SRPK1: variants seen among roughly 807,000 people sequenced by gnomAD.
SRPK1 encodes the protein SFRS protein kinase 1.
In SRPK1, 52 loss-of-function variants were observed where a neutral mutation model predicts 89.5. The ratio of observed to expected loss-of-function variants is 0.58; its 90% CI spans 0.46 to 0.73. SRPK1 has a LOEUF of 0.73. Ranked by LOEUF, SRPK1 falls within the 30% of genes least tolerant of loss-of-function variation. SRPK1 has a pLI of 0.00. For missense variants in SRPK1, 603 were observed against 780.6 expected (o/e 0.77, Z 2.71); for synonymous variants, 255 against 270.2 (o/e 0.94, Z 0.55).
rs539634465 is a variant in SRPK1, at chr6:35,857,475, C to T, written c.1513-107G>A. 5.0e-5 allele frequency: 44 copies of T among 874,180 alleles called. 1 individual carries two copies. The South Asian group carries it at 6.8e-4, about 14-fold the overall frequency. The allele number at this position is 874,180 out of a possible 1,614,324, so 54.2% of individuals were successfully genotyped here. On this transcript the variant is annotated intron_variant, in intron 12 of 15. Coordinates refer to ENST00000373825, the MANE Select transcript of SRPK1 (RefSeq NM_003137.5). The stretch of plus-strand genomic sequence containing the variant: ...TAAACTCTCTGAAGTTTTTCCCAAA[C>T]CAAAGTTCTCACTTTGCTTATTTCT...
At chr6:35,892,730 C>G (rs1217555728) in intron 2 of SRPK1, among the ~76,000 whole-genome samples, 3 of 151,866 alleles carry the variant, frequency 2.0e-5, no homozygotes, top group Non-Finnish European at 2.9e-5. Context: ...AGGCAGGGTA[C>G]ACAGCATTCC....
chr6:35,901,092 A>G (rs528998464), intron 2 of SRPK1, among the ~76,000 whole-genome samples: 298 of 152,370 alleles, frequency 2.0e-3, no homozygotes, highest in African/African-American at 6.9e-3. Flanking sequence ...TATAAACTTT[A>G]GTCTTTTCTG....
rs1302988316 is a variant in SRPK1 at position 35,913,818 on chromosome 6, A to AG, written c.74+6649_74+6650insC. On this transcript the variant is annotated intron_variant, in intron 2 of 15. Transcript: ENST00000373825. ...ATCTCAAAAAAAGAAAAAAAAATAA[A>AG]AGAGAGAGAAAAAAGAAAAAGCAGA... 6.6e-5 allele frequency among the ~76,000 whole-genome samples: 10 copies of AG among 151,624 alleles called. 1 individual carries two copies. The highest frequency in any genetic ancestry group is 1.7e-4 in the African/African-American group (7 of 41,386).
chr6:35,857,125 A>C, intron 13 of SRPK1, 136 bp downstream of exon 13: 1 of 663,250 alleles, frequency 1.5e-6, no homozygotes, highest in Non-Finnish European at 2.6e-6. Context: ...CTCTAGACAT[A>C]GAATTTAGAA....
chr6:35,886,753 T>C lies in SRPK1; in HGVS notation c.449A>G (p.Asp150Gly), dbSNP rs1367058234. Residue 150 changes from aspartate to glycine, a missense_variant, in exon 6 of 16, where the codon GAC (aspartate) becomes GGC (glycine). By Grantham distance (94) the Asp-to-Gly change is moderately conservative. Transcript: ENST00000373825. ...TCCATTAACTCCTGATATTTTAAAGTCATCTAGTAGTTGAACAACCATTTC... is the reference window on the plus strand; with the variant it reads ...TCCATTAACTCCTGATATTTTAAAGCCATCTAGTAGTTGAACAACCATTTC... ...NREMVVQLLD[D>G]FKISGVNGTH... 3.7e-6 allele frequency: 6 copies of C among 1,609,188 alleles called. No individual in the cohort carries two copies. The highest frequency in any genetic ancestry group is 5.1e-6 in the Non-Finnish European group (6 of 1,175,768).
At chr6:35,857,401 TC>T in intron 12 of SRPK1, 33 bp from the exon 13 acceptor site, 2 of 1,512,836 alleles carry the variant, frequency 1.3e-6, no homozygotes, top group Non-Finnish European at 1.8e-6. Flanking sequence ...ATTTTAAACT[TC>T]ATTCTAAAAA....
chr6:35,886,492 T>C (rs1208693089), intron 6 of SRPK1, among the ~76,000 whole-genome samples: 1 of 152,250 alleles, frequency 6.6e-6, no homozygotes, highest in African/African-American at 2.4e-5. Flanking sequence ...TTTCCTTTGA[T>C]TTCGCTTTAA....
intron 8 of SRPK1, 109 bp from the exon 9 acceptor site, chr6:35,871,068 A>G: frequency 1.4e-6 from 1 of 707,712 alleles, no homozygotes; most frequent in Non-Finnish European, 2.2e-6. Flanking sequence ...TATGTAGTCT[A>G]CATTGCAGAG....
At chr6:35,880,738 A>AAAAAAAAAAAAAAAAAAG (rs1554152646) in intron 6 of SRPK1, among the ~76,000 whole-genome samples, 2 of 18,816 alleles carry the variant, frequency 1.1e-4, no homozygotes, top group African/African-American at 2.3e-3. Context: ...AAAAAAAGAA[A>AAAAAAAAAAAAAAAAAAG]AAAAAAAAAA....
chr6:35,916,011 C>T (rs1269597825), intron 2 of SRPK1, among the ~76,000 whole-genome samples: 29 of 82,934 alleles, frequency 3.5e-4, no homozygotes, highest in African/African-American at 6.7e-4. Flanking sequence ...CACACACACA[C>T]ACACACACAC....
At chr6:35,850,428 A>G (rs1412668821) in intron 13 of SRPK1, among the ~76,000 whole-genome samples, 1 of 152,236 alleles carries the variant, frequency 6.6e-6, no homozygotes, top group Non-Finnish European at 1.5e-5. Flanking sequence ...GCAATGTTTC[A>G]GCACCAGAAA....
intron 2 of SRPK1, among the ~76,000 whole-genome samples, chr6:35,905,313 A>C (rs767239758): frequency 1.3e-5 from 2 of 152,154 alleles, no homozygotes; most frequent in Non-Finnish European, 2.9e-5. Context: ...TTTAGATATA[A>C]AGGAGGAGGC....
rs1561978438 is a variant in SRPK1 at position 35,869,573 on chromosome 6, T to C, written c.1320A>G (p.Gln440=). ...SSTVGQSFSE[Q]HISQLQESIR... ...TGCTTTCTTGAAGTTGGCTAATGTG[T>C]TGTTCACTGAATGACTGACCTACAG... The change falls in exon 11 of 16, where the codon CAA becomes CAG. Residue 440 remains glutamine (Q), a synonymous_variant. Transcript: ENST00000373825. The C allele has an allele frequency of 1.9e-6, 3 of 1,613,958 alleles. No homozygotes were observed. Among genetic ancestry groups the C allele is most frequent in the Non-Finnish European group, 2.5e-6 (3 of 1,179,874 alleles).
At chr6:35,907,711 ATAAAAAAT>A (rs1561996290) in intron 2 of SRPK1, among the ~76,000 whole-genome samples, 5 of 150,064 alleles carry the variant, frequency 3.3e-5, no homozygotes, top group East Asian at 1.9e-4. Flanking sequence ...GTCTCAAAAA[ATAAAAAAT>A]AAAAAATAAA....
At position 35,835,175 on chromosome 6, in the gene SRPK1, A is replaced by AT. The variant is rs1435111930; in HGVS notation, c.*128dup. The AT allele has an allele frequency of 1.7e-5, 15 of 875,584 alleles. No homozygotes were observed. The highest frequency in any genetic ancestry group is 2.5e-5 in the Non-Finnish European group (15 of 594,658). 54.2% of individuals were successfully genotyped at this position (875,584 alleles called of 1,614,324 possible). A position where few individuals can be genotyped will look rare whatever the true frequency, so the allele number is the denominator to read the frequency against. On this transcript the variant is annotated 3_prime_UTR_variant, in exon 16 of 16. Coordinates refer to ENST00000373825, the MANE Select transcript of SRPK1 (RefSeq NM_003137.5). ...AAGCAAACCCAAATGAACATGTTGG[A>AT]TTAAAAAAAAAACAAGATCTAGAAA...
chr6:35,858,531 C>T (rs1269221828), intron 12 of SRPK1, among the ~76,000 whole-genome samples: 2 of 152,056 alleles, frequency 1.3e-5, no homozygotes, highest in Non-Finnish European at 2.9e-5. Flanking sequence ...GTCTTTAGTA[C>T]CATCAAAACT....
At chr6:35,902,733 G>T (rs759576340) in intron 2 of SRPK1, among the ~76,000 whole-genome samples, 2 of 152,182 alleles carry the variant, frequency 1.3e-5, no homozygotes, top group African/African-American at 2.4e-5. Context: ...TATTGAGCAT[G>T]TACTGTATTA....
chr6:35,835,106 A>T lies in SRPK1; in HGVS notation c.*198T>A. On this transcript the variant is annotated 3_prime_UTR_variant, in exon 16 of 16. Transcript: ENST00000373825. ...GCAGAGCCCAACCAAGGCCAAATTC[A>T]CCTAGGATGCCCAATGGCTGTGGGG... is the stretch of plus-strand genomic sequence containing the variant. 2.0e-6 allele frequency: 1 copy of T among 492,820 alleles called. No homozygotes were observed. Among genetic ancestry groups the T allele is most frequent in the Middle Eastern group, 5.6e-4 (1 of 1,782 alleles). The allele number at this position is 492,820 out of a possible 1,614,324, so 30.5% of individuals were successfully genotyped here.
intron 14 of SRPK1, 98 bp from the exon 15 acceptor site, chr6:35,838,527 A>G: frequency 7.7e-7 from 1 of 1,303,154 alleles, no homozygotes. Flanking sequence ...CAGCATGCAC[A>G]TCTCTTTGTA....
Sources: gnomAD v4.1 joint callset for allele counts (sites outside exome capture counted in the v4.1 genomes callset) on GRCh38, gnomAD v4.1.1 for gene constraint, MANE v1.5 for transcripts, NCBI Gene and HGNC (gene_info 2026-07-23, HGNC 2026-07-21) for gene names.